Variants in KCNIP4 observed in about 807,000 individuals in gnomAD.
KCNIP4 encodes potassium voltage-gated channel interacting protein 4, also known as Kv channel-interacting protein 4.
A neutral mutation model predicts 34.0 loss-of-function variants in KCNIP4; 12 were observed. The observed-to-expected ratio is 0.35, with a 90% CI of 0.23 to 0.57. KCNIP4 has a LOEUF of 0.57. Ranked by LOEUF, KCNIP4 falls within the 20% of genes least tolerant of loss-of-function variation. KCNIP4 has a pLI of 0.83. For missense variants in KCNIP4, 238 were observed against 311.7 expected (o/e 0.76, Z 1.78); for synonymous variants, 124 against 102.2 (o/e 1.21, Z -1.29).
chr4:21,179,454 G>GA (rs1447070021), intron 1 of KCNIP4, among the ~76,000 whole-genome samples: 1 of 152,204 alleles, frequency 6.6e-6, no homozygotes, highest in African/African-American at 2.4e-5. Context: ...GGAAGCATTG[G>GA]AAAATGCCCC....
chr4:21,475,188 C>T (rs1321214809), intron 1 of KCNIP4, among the ~76,000 whole-genome samples: 1 of 152,048 alleles, frequency 6.6e-6, no homozygotes, highest in Non-Finnish European at 1.5e-5. Context: ...TGTTAAAAGA[C>T]ACACAGGAGA....
intron 1 of KCNIP4, among the ~76,000 whole-genome samples, chr4:21,746,899 C>A (rs1403073427): frequency 6.6e-6 from 1 of 152,068 alleles, no homozygotes; most frequent in African/African-American, 2.4e-5. Flanking sequence ...ACAGTCATTT[C>A]TTTAAGATAA....
At chr4:21,569,548 T>C (rs1334034146) in intron 1 of KCNIP4, among the ~76,000 whole-genome samples, 3 of 151,756 alleles carry the variant, frequency 2.0e-5, no homozygotes, top group Non-Finnish European at 4.4e-5. Flanking sequence ...AAAAATGATA[T>C]AAAAATAAGC....
chr4:21,405,296 C>A (rs1455179663), intron 1 of KCNIP4, among the ~76,000 whole-genome samples: 2 of 152,144 alleles, frequency 1.3e-5, no homozygotes, highest in Non-Finnish European at 2.9e-5. Flanking sequence ...AATCTCATTG[C>A]TTTGGTAGCT....
chr4:20,785,557 A>G (rs1235509057), intron 3 of KCNIP4, among the ~76,000 whole-genome samples: 1 of 152,106 alleles, frequency 6.6e-6, no homozygotes, highest in Non-Finnish European at 1.5e-5. Context: ...TATAACACGT[A>G]CATTGCTCAA....
rs147243883 is a variant in KCNIP4, at chr4:21,804,567, T to C, written c.61+144004A>G. On this transcript the variant is annotated intron_variant, in intron 1 of 8. Coordinates refer to ENST00000382152, the MANE Select transcript of KCNIP4 (RefSeq NM_025221.6). ...CTGAATGAATAAATTTAGCCACTCT[T>C]AGCATCAGCTGCTTCATGTTTGGGG... Among the ~76,000 whole-genome samples the C allele has an allele frequency of 2.6e-3, 402 of 152,312 alleles. 2 individuals carry two copies. The highest frequency in any genetic ancestry group is 9.0e-3 in the African/African-American group (376 of 41,566).
intron 1 of KCNIP4, among the ~76,000 whole-genome samples, chr4:21,283,779 AC>A (rs1762931172): frequency 6.6e-6 from 1 of 151,884 alleles, no homozygotes; most frequent in Non-Finnish European, 1.5e-5. Context: ...GTGCACATGT[AC>A]CCTAAAGCTT....
intron 1 of KCNIP4, among the ~76,000 whole-genome samples, chr4:21,671,207 A>C (rs1749479707): frequency 6.6e-6 from 1 of 152,166 alleles, no homozygotes; most frequent in African/African-American, 2.4e-5. Context: ...TTAAATTGTG[A>C]ACAGTCAGAG....
intron 1 of KCNIP4, among the ~76,000 whole-genome samples, chr4:21,868,829 G>T (rs747542880): frequency 6.6e-6 from 1 of 152,036 alleles, no homozygotes; most frequent in East Asian, 1.9e-4. Flanking sequence ...AGAACATAAT[G>T]CCATAAAGAA....
chr4:21,854,442 A>G (rs1724623035), intron 1 of KCNIP4, among the ~76,000 whole-genome samples: 1 of 152,144 alleles, frequency 6.6e-6, no homozygotes, highest in African/African-American at 2.4e-5. Flanking sequence ...TCAATGTTAT[A>G]TTTAACTTAA....
chr4:20,921,517 A>ATTATGTCATGTTACTTTTTATT (rs1729388283), intron 1 of KCNIP4, among the ~76,000 whole-genome samples: 1 of 152,326 alleles, frequency 6.6e-6, no homozygotes, highest in South Asian at 2.1e-4. Flanking sequence ...TTATTTGTTT[A>ATTATGTCATGTTACTTTTTATT]TTATGTCATG....
In KCNIP4 at chr4:20,785,328, C is replaced by CTT. The variant is rs60704201; in HGVS notation, c.289-26440_289-26439dup. 2.1e-3 allele frequency among the ~76,000 whole-genome samples: 287 copies of CTT among 136,350 alleles called. 3 individuals are homozygous for CTT. The highest frequency in any genetic ancestry group is 0.019 in the Middle Eastern group (5 of 268). The allele number at this position is 136,350 out of a possible 152,430, so 89.5% of individuals were successfully genotyped here. A position where few individuals can be genotyped will look rare whatever the true frequency, so the allele number is the denominator to read the frequency against. On this transcript the variant is annotated intron_variant, in intron 3 of 8. Transcript: ENST00000382152. ...CTTGCTTTTCTTTGGATTTTTTTTT[C>CTT]TTTTTTTTTTTTTTTGCTACTGCAT... is the stretch of plus-strand genomic sequence containing the variant.
At chr4:21,667,708 G>A (rs116785847) in intron 1 of KCNIP4, among the ~76,000 whole-genome samples, 151 of 152,342 alleles carry the variant, frequency 9.9e-4, no homozygotes, top group Admixed American at 2.5e-3. Flanking sequence ...AGTCTGGAAG[G>A]AAAATATTAT....
At chr4:20,800,280 C>T (rs182111765) in intron 3 of KCNIP4, among the ~76,000 whole-genome samples, 18 of 152,308 alleles carry the variant, frequency 1.2e-4, no homozygotes, top group East Asian at 1.2e-3. Context: ...GGCCCACCTT[C>T]GGTGAAAGCC....
At chr4:21,372,388 A>AGATAGATAGATT (rs1720535777) in intron 1 of KCNIP4, among the ~76,000 whole-genome samples, 1 of 147,076 alleles carries the variant, frequency 6.8e-6, no homozygotes, top group Admixed American at 6.6e-5. Flanking sequence ...ATAGATAGAT[A>AGATAGATAGATT]GATAGTTAGA....
intron 1 of KCNIP4, among the ~76,000 whole-genome samples, chr4:21,239,261 C>T (rs1374225763): frequency 7.1e-6 from 1 of 141,156 alleles, no homozygotes; most frequent in Non-Finnish European, 1.6e-5. Flanking sequence ...GGAGCTAAAA[C>T]CATAAAAACC....
At chr4:20,999,900 G>A (rs916375694) in intron 1 of KCNIP4, among the ~76,000 whole-genome samples, 5 of 152,124 alleles carry the variant, frequency 3.3e-5, no homozygotes, top group Admixed American at 6.5e-5. Flanking sequence ...GAACATGCAC[G>A]TTGCAACTTA....
intron 1 of KCNIP4, among the ~76,000 whole-genome samples, chr4:20,924,622 T>G (rs944041414): frequency 1.4e-4 from 21 of 152,202 alleles, no homozygotes; most frequent in African/African-American, 5.1e-4. Flanking sequence ...CTCTGTAAAC[T>G]ATAATGTCCT....
chr4:21,084,790 A>G (rs909041287), intron 1 of KCNIP4, among the ~76,000 whole-genome samples: 3 of 151,192 alleles, frequency 2.0e-5, no homozygotes, highest in African/African-American at 4.9e-5. Context: ...CTCTTTCTAC[A>G]TAATCATCTC....
Sources: allele counts gnomAD v4.1 joint callset (sites outside exome capture counted in the v4.1 genomes callset), GRCh38; gene constraint gnomAD v4.1.1; transcripts MANE v1.5; gene names NCBI Gene and HGNC (gene_info 2026-07-23, HGNC 2026-07-21).